The following RPIA variants were observed in gnomAD, a reference collection of about 807,000 sequenced individuals.
RPIA encodes the protein ribose-5-phosphate isomerase.
A neutral mutation model predicts 37.8 loss-of-function variants in RPIA; 29 were observed. That is an observed-to-expected ratio of 0.77 (90% CI 0.57 to 1.05). The LOEUF is 1.05. RPIA is among the 50% of genes least tolerant of loss of function. The pLI, the probability that RPIA is intolerant of heterozygous loss-of-function variation, is 0.00. For missense variants in RPIA, 385 were observed against 413.6 expected, an observed-to-expected ratio of 0.93 and a Z score of 0.60; for synonymous variants, 167 against 157.0, an observed-to-expected ratio of 1.06 and a Z score of -0.48.
intron 8 of RPIA, among the ~76,000 whole-genome samples, chr2:88,743,942 T>C (rs552677778): frequency 2.0e-5 from 3 of 152,324 alleles, no homozygotes; most frequent in Admixed American, 2.0e-4. Context: ...CTATCGATTT[T>C]ATCTTTTCAA....
intron 3 of RPIA, among the ~76,000 whole-genome samples, chr2:88,711,258 A>G (rs2104092831): frequency 6.6e-6 from 1 of 152,362 alleles, no homozygotes; most frequent in African/African-American, 2.4e-5. Context: ...CAAAGAAACC[A>G]CCGCAAGGTG....
rs543700659 is a variant in RPIA, at chr2:88,725,472, C to G, written c.403-3806C>G. 2.6e-5 allele frequency among the ~76,000 whole-genome samples: 4 copies of G among 152,262 alleles called. No individual in the cohort carries two copies. The South Asian group carries it at 8.3e-4, about 32-fold the overall frequency. Reference sequence around the variant, plus strand: ...TGTCCTGTGCCTTCCTCCTAACTCTCTCGGTGGGTTGCTGATATCCTTTGG... The same window carrying G: ...TGTCCTGTGCCTTCCTCCTAACTCTGTCGGTGGGTTGCTGATATCCTTTGG... On this transcript the variant is annotated intron_variant, in intron 3 of 8. Transcript: ENST00000283646.
intron 8 of RPIA, among the ~76,000 whole-genome samples, chr2:88,747,826 A>G (rs1443989290): frequency 6.6e-6 from 1 of 152,058 alleles, no homozygotes; most frequent in Non-Finnish European, 1.5e-5. Flanking sequence ...TGGCTGTCTT[A>G]TGGAGTTTGC....
chr2:88,707,563 G>A (rs1269136082), intron 3 of RPIA, among the ~76,000 whole-genome samples: 1 of 152,136 alleles, frequency 6.6e-6, no homozygotes, highest in Non-Finnish European at 1.5e-5. Flanking sequence ...ACACTGTAAG[G>A]CTTCTCACAT....
chr2:88,714,480 C>T (rs1219286743), intron 3 of RPIA, among the ~76,000 whole-genome samples: 4 of 152,162 alleles, frequency 2.6e-5, no homozygotes, highest in African/African-American at 9.7e-5. Context: ...CCCCTGTCTG[C>T]TCCTTTGAAG....
intron 8 of RPIA, among the ~76,000 whole-genome samples, chr2:88,747,990 TTGCCATTTTCC>T (rs1434936698): frequency 6.6e-6 from 1 of 152,246 alleles, no homozygotes; most frequent in Non-Finnish European, 1.5e-5. Flanking sequence ...CTGTCTTCTA[TTGCCATTTTCC>T]TGCAAGTTTT....
intron 3 of RPIA, 56 bp from the exon 4 acceptor site, chr2:88,729,222 A>C: frequency 6.3e-7 from 1 of 1,577,612 alleles, no homozygotes. Context: ...AATTCTGAGA[A>C]TCCTTGTCAT....
chr2:88,696,921 A>G (rs1169935074), intron 1 of RPIA, among the ~76,000 whole-genome samples: 1 of 152,210 alleles, frequency 6.6e-6, no homozygotes, highest in East Asian at 1.9e-4. Context: ...TATAATGGCA[A>G]TTAAATTTCA....
intron 3 of RPIA, among the ~76,000 whole-genome samples, chr2:88,714,969 A>G (rs944366814): frequency 6.6e-6 from 1 of 152,176 alleles, no homozygotes; most frequent in African/African-American, 2.4e-5. Context: ...CAGAGGGAGG[A>G]TTAGAGGTAT....
At chr2:88,710,194 A>G (rs539958680) in intron 3 of RPIA, among the ~76,000 whole-genome samples, 47 of 152,192 alleles carry the variant, frequency 3.1e-4, no homozygotes, top group Non-Finnish European at 5.0e-4. Flanking sequence ...CTACAGGTGC[A>G]TGCCACCATG....
At chr2:88,729,187 G>T in intron 3 of RPIA, 91 bp from the exon 4 acceptor site, 1 of 1,366,674 alleles carries the variant, frequency 7.3e-7, no homozygotes, top group Non-Finnish European at 1.0e-6. Flanking sequence ...GCCTGGGTAG[G>T]ACTTGGGACA....
At chr2:88,717,621 C>G (rs1434915578) in intron 3 of RPIA, among the ~76,000 whole-genome samples, 2 of 152,098 alleles carry the variant, frequency 1.3e-5, no homozygotes, top group African/African-American at 4.8e-5. Context: ...CTAAGCAGTT[C>G]CCAGCTTGAG....
intron 1 of RPIA, 89 bp from the exon 2 acceptor site, chr2:88,698,395 A>T: frequency 8.6e-7 from 1 of 1,161,634 alleles, no homozygotes; most frequent in Non-Finnish European, 1.3e-6. Flanking sequence ...TGCTGTTCAT[A>T]ATAATTTTAT....
intron 3 of RPIA, among the ~76,000 whole-genome samples, chr2:88,704,031 C>T (rs1225986586): frequency 6.6e-6 from 1 of 152,198 alleles, no homozygotes; most frequent in Non-Finnish European, 1.5e-5. Flanking sequence ...GTCACCTTTG[C>T]TCCATTTCCC....
intron 8 of RPIA, among the ~76,000 whole-genome samples, chr2:88,747,411 G>A (rs367784255): frequency 6.6e-6 from 1 of 152,148 alleles, no homozygotes; most frequent in Non-Finnish European, 1.5e-5. Context: ...CTGCACCTTC[G>A]GCTGTGGGTT....
chr2:88,709,193 T>C (rs1396041073), intron 3 of RPIA, among the ~76,000 whole-genome samples: 1 of 152,268 alleles, frequency 6.6e-6, no homozygotes, highest in African/African-American at 2.4e-5. Context: ...AAATGAGTTC[T>C]TCTATCGCTA....
chr2:88,746,773 C>T (rs774060050), intron 8 of RPIA, among the ~76,000 whole-genome samples: 1 of 152,160 alleles, frequency 6.6e-6, no homozygotes, highest in Non-Finnish European at 1.5e-5. Context: ...TGGACAGACT[C>T]AGGATCTCTG....
At position 88,738,084 on chromosome 2, in the gene RPIA, G is replaced by T; in HGVS notation, c.838+8G>T. ...CTATCAAAATGATCCCAGGTAACATGAGTGGTGTTCACCAGTCATATACAC... is the reference window on the plus strand; with the variant it reads ...CTATCAAAATGATCCCAGGTAACATTAGTGGTGTTCACCAGTCATATACAC... On this transcript the variant is annotated splice_region_variant and intron_variant, in intron 8 of 8. Coordinates refer to ENST00000283646, the MANE Select transcript of RPIA (RefSeq NM_144563.3). 6.2e-7 allele frequency: 1 copy of T among 1,604,240 alleles called. No homozygotes were observed. The highest frequency in any genetic ancestry group is 1.1e-5 in the South Asian group (1 of 90,832).
At chr2:88,739,130 G>A (rs144446866) in intron 8 of RPIA, among the ~76,000 whole-genome samples, 2 of 152,288 alleles carry the variant, frequency 1.3e-5, no homozygotes, top group East Asian at 1.9e-4. Context: ...TCAAGGGCTC[G>A]TACAGGGGGA....
Sources: allele counts gnomAD v4.1 joint callset (sites outside exome capture counted in the v4.1 genomes callset), GRCh38; gene constraint gnomAD v4.1.1; transcripts MANE v1.5; gene names NCBI Gene and HGNC (gene_info 2026-07-23, HGNC 2026-07-21).